The following ABAT variants were observed in gnomAD, a reference collection of about 807,000 sequenced individuals.
The protein encoded by ABAT is 4-aminobutyrate aminotransferase, mitochondrial.
Under a neutral mutation model 64.6 loss-of-function variants are expected in ABAT, and 45 were observed. The ratio of observed to expected loss-of-function variants is 0.70; its 90% CI spans 0.55 to 0.89. ABAT has a LOEUF of 0.89. Ranked by LOEUF, ABAT falls within the 40% of genes least tolerant of loss-of-function variation. The pLI is 0.00. For missense variants in ABAT, 633 were observed against 658.4 expected, an observed-to-expected ratio of 0.96 and a Z score of 0.42; for synonymous variants, 297 against 250.5, an observed-to-expected ratio of 1.19 and a Z score of -1.75.
rs2059881518 is a variant in ABAT at position 8,764,319 on chromosome 16, A to T, written c.447+170A>T. ...ATTTTTCTTTTAAAGGACAGAAGGG[A>T]TTCTTTGTGTGCAGGACAAAAGGAG... On this transcript the variant is annotated intron_variant, in intron 7 of 15. Transcript: ENST00000268251. The surrounding 1 kb of genome is among the most constrained non-coding windows in gnomAD (Gnocchi z 4.2). 6.6e-6 allele frequency among the ~76,000 whole-genome samples: 1 copy of T among 152,116 alleles called. No homozygotes were observed. Among genetic ancestry groups the T allele is most frequent in the Non-Finnish European group, 1.5e-5 (1 of 68,014 alleles).
intron 1 of ABAT, among the ~76,000 whole-genome samples, chr16:8,701,719 C>T (rs747539120): frequency 3.3e-5 from 5 of 152,098 alleles, no homozygotes; most frequent in Admixed American, 6.5e-5. Context: ...ATACCTGTTA[C>T]GCAGGAAGAG....
At chr16:8,695,327 C>T (rs1329168247) in intron 1 of ABAT, among the ~76,000 whole-genome samples, 1 of 152,234 alleles carries the variant, frequency 6.6e-6, no homozygotes, top group Non-Finnish European at 1.5e-5. Context: ...ATGGTTCATA[C>T]TGGTTAAGAG....
Position 8,766,201 on chromosome 16 carries a change from G to T in ABAT, c.541-7G>T. 6.2e-7 allele frequency: 1 copy of T among 1,613,824 alleles called. No individual in the cohort carries two copies. The highest frequency in any genetic ancestry group is 8.5e-7 in the Non-Finnish European group (1 of 1,179,790). On this transcript the variant is annotated splice_region_variant and splice_polypyrimidine_tract_variant and intron_variant, in intron 8 of 15. Transcript: ENST00000268251. ...CTCTGAGATTTTGTTCTGTTCTATT[G>T]TTTCAGAGCAAGGAAAGAGGGCAGA... is the stretch of plus-strand genomic sequence containing the variant.
intron 5 of ABAT, among the ~76,000 whole-genome samples, chr16:8,750,943 CTT>C (rs71301327): frequency 1.1e-3 from 117 of 109,716 alleles, no homozygotes; most frequent in African/African-American, 3.7e-3. Context: ...TTTTTCCCTG[CTT>C]TTTTTTTTTT....
At position 8,781,905 on chromosome 16, in the gene ABAT, C is replaced by T; in HGVS notation, c.*475C>T. 3.2e-6 allele frequency: 1 copy of T among 313,416 alleles called. No homozygotes were observed. Among genetic ancestry groups the T allele is most frequent in the Non-Finnish European group, 6.2e-6 (1 of 161,336 alleles). 19.4% of individuals were successfully genotyped at this position (313,416 alleles called of 1,614,324 possible). A position where few individuals can be genotyped will look rare whatever the true frequency, so the allele number is the denominator to read the frequency against. ...ACACACTCTCACCTCCTCTCCCAGC[C>T]TCCCGGAGCTCTGAGCACGCCCCAC... On this transcript the variant is annotated 3_prime_UTR_variant, in exon 16 of 16. Coordinates refer to ENST00000268251, the MANE Select transcript of ABAT (RefSeq NM_020686.6). This position sits in a 1 kb window ranked among gnomAD's most constrained non-coding sequence, Gnocchi z 4.5.
intron 1 of ABAT, among the ~76,000 whole-genome samples, chr16:8,733,499 G>T (rs1267389445): frequency 6.6e-6 from 1 of 151,922 alleles, no homozygotes; most frequent in Non-Finnish European, 1.5e-5. Flanking sequence ...GGTGGAGGTT[G>T]TAGCAAGCCG....
chr16:8,768,233 G>T lies in ABAT; in HGVS notation c.644G>T (p.Gly215Val). Residue 215 changes from glycine (G) to valine (V), a missense_variant, in exon 10 of 16, where the codon GGC becomes GTC. Coordinates refer to ENST00000268251, the MANE Select transcript of ABAT (RefSeq NM_020686.6). Reference protein sequence around the residue: ...CPDYSILSFMGAFHGRTMGCL... With the variant: ...CPDYSILSFMVAFHGRTMGCL... ...GACTACAGCATCCTCTCCTTCATGGGCGCGTTCCATGGGAGGACCATGGGT... is the reference window on the plus strand; with the variant it reads ...GACTACAGCATCCTCTCCTTCATGGTCGCGTTCCATGGGAGGACCATGGGT... 2 of 1,614,104 alleles carry T rather than the reference G, an allele frequency of 1.2e-6. No homozygotes were observed. Among genetic ancestry groups the T allele is most frequent in the Non-Finnish European group, 1.7e-6 (2 of 1,180,032 alleles).
At chr16:8,771,156 A>C (rs1395447123) in intron 11 of ABAT, among the ~76,000 whole-genome samples, 1 of 152,040 alleles carries the variant, frequency 6.6e-6, no homozygotes, top group Non-Finnish European at 1.5e-5. Flanking sequence ...TTAGCCGGGC[A>C]TGGTGGTGCA....
intron 1 of ABAT, among the ~76,000 whole-genome samples, chr16:8,725,208 G>C (rs982431135): frequency 1.3e-5 from 2 of 152,180 alleles, no homozygotes; most frequent in Non-Finnish European, 2.9e-5. Context: ...GAGCCAGCGC[G>C]CCTGGCTTTT....
At chr16:8,759,734 G>C (rs935937408) in intron 6 of ABAT, among the ~76,000 whole-genome samples, 1 of 152,078 alleles carries the variant, frequency 6.6e-6, no homozygotes, top group Non-Finnish European at 1.5e-5. Context: ...GGTAGAGATG[G>C]GGTTTCACCA....
chr16:8,684,279 A>C (rs1042150757), intron 1 of ABAT, among the ~76,000 whole-genome samples: 2 of 152,148 alleles, frequency 1.3e-5, no homozygotes, highest in African/African-American at 4.8e-5. Flanking sequence ...CGCAGGGGAA[A>C]AAGGAAGGAT....
At chr16:8,676,523 C>T (rs999766200) in intron 1 of ABAT, among the ~76,000 whole-genome samples, 1 of 152,170 alleles carries the variant, frequency 6.6e-6, no homozygotes, top group Non-Finnish European at 1.5e-5. Flanking sequence ...CAATGCCATC[C>T]CCCAGCAGGC....
At chr16:8,754,755 G>T (rs1596457878) in intron 5 of ABAT, among the ~76,000 whole-genome samples, 1 of 148,440 alleles carries the variant, frequency 6.7e-6, no homozygotes, top group Non-Finnish European at 1.5e-5. Context: ...GTCCCATTCT[G>T]TTGCCCAGGC....
rs2059900948 is a variant in ABAT, at chr16:8,764,918, A to G, written c.540+88A>G. On this transcript the variant is annotated intron_variant, in intron 8 of 15. Coordinates refer to ENST00000268251, the MANE Select transcript of ABAT (RefSeq NM_020686.6). The surrounding 1 kb of genome is among the most constrained non-coding windows in gnomAD (Gnocchi z 4.2). ...ACCCCTTGTCTGACTGTTCATTCCA[A>G]TGGGCTGGAGTATTAGACATCAGTA... is the stretch of plus-strand genomic sequence containing the variant. 1.6e-6 allele frequency: 2 copies of G among 1,226,924 alleles called. No individual in the cohort carries two copies. The highest frequency in any genetic ancestry group is 3.5e-5 in the Admixed American group (2 of 57,792). 76.0% of individuals were successfully genotyped at this position (1,226,924 alleles called of 1,614,324 possible).
chr16:8,676,566 C>A (rs1199669222), intron 1 of ABAT, among the ~76,000 whole-genome samples: 1 of 152,354 alleles, frequency 6.6e-6, no homozygotes, highest in African/African-American at 2.4e-5. Flanking sequence ...GGTGTCAGCG[C>A]ATCCCTGCTT....
intron 2 of ABAT, among the ~76,000 whole-genome samples, chr16:8,742,593 G>A (rs969136915): frequency 6.6e-6 from 1 of 152,038 alleles, no homozygotes; most frequent in South Asian, 2.1e-4. Context: ...GGCCGGGTAC[G>A]GTGGCTTATG....
At chr16:8,759,432 A>C (rs868647683) in intron 6 of ABAT, among the ~76,000 whole-genome samples, 70 of 150,940 alleles carry the variant, frequency 4.6e-4, no homozygotes, top group Admixed American at 2.4e-3. Flanking sequence ...ACATGCCCCC[A>C]CCCAGTTATT....
chr16:8,729,894 A>T (rs905998787), intron 1 of ABAT, among the ~76,000 whole-genome samples: 1 of 151,092 alleles, frequency 6.6e-6, no homozygotes, highest in African/African-American at 2.4e-5. Context: ...GAGTGTCAGG[A>T]CTCTGGCCCA....
At chr16:8,779,639 C>T in intron 15 of ABAT, 49 bp downstream of exon 15, 10 of 1,438,762 alleles carry the variant, frequency 7.0e-6, no homozygotes, top group Non-Finnish European at 9.7e-6. Context: ...CCAGTATCTC[C>T]TGCTGTAGCT....
Sources: gnomAD v4.1 joint callset for allele counts (sites outside exome capture counted in the v4.1 genomes callset) on GRCh38, gnomAD v4.1.1 for gene constraint, Gnocchi (gnomAD v3.1) non-coding constraint, MANE v1.5 for transcripts, NCBI Gene and HGNC (gene_info 2026-07-23, HGNC 2026-07-21) for gene names.